HIP1R: variants seen among roughly 807,000 people sequenced by gnomAD.
HIP1R encodes huntingtin-interacting protein 1-related protein.
Under a neutral mutation model 144.2 loss-of-function variants are expected in HIP1R, and 135 were observed. The ratio of observed to expected loss-of-function variants is 0.94; its 90% CI spans 0.81 to 1.08. The LOEUF is 1.08. Ranked by LOEUF, HIP1R falls within the 50% of genes least tolerant of loss-of-function variation. The probability of loss-of-function intolerance (pLI) is 0.00; values close to 1 mark genes in which losing one functional copy is unlikely to be tolerated. For missense variants in HIP1R, 1,462 were observed against 1,432.8 expected (o/e 1.02, Z -0.33); for synonymous variants, 698 against 612.8 (o/e 1.14, Z -2.05).
chr12:122,842,721 C>G (rs559591915), intron 1 of HIP1R, among the ~76,000 whole-genome samples: 1 of 152,346 alleles, frequency 6.6e-6, no homozygotes, highest in Admixed American at 6.5e-5. Context: ...TCCATCTGGA[C>G]TCCACATCAG....
At position 122,855,129 on chromosome 12, in the gene HIP1R, G is replaced by T; in HGVS notation, c.852+1G>T. The T allele has an allele frequency of 2.5e-6, 4 of 1,613,518 alleles. No homozygotes were observed. The highest frequency in any genetic ancestry group is 3.4e-6 in the Non-Finnish European group (4 of 1,179,998). On this transcript the variant is annotated splice_donor_variant, in intron 10 of 31. Transcript: ENST00000253083. LOFTEE classifies it high-confidence loss of function. ...CATCCAGATCCCCCGGCTGCCCGAGGTACCACCCCCAAGAGGGCCCCGAGG... is the reference window on the plus strand; with the variant it reads ...CATCCAGATCCCCCGGCTGCCCGAGTTACCACCCCCAAGAGGGCCCCGAGG...
At chr12:122,860,850 C>G in intron 28 of HIP1R, 66 bp downstream of exon 28, 8 of 1,595,494 alleles carry the variant, frequency 5.0e-6, no homozygotes, top group Non-Finnish European at 6.8e-6. Flanking sequence ...CTGTGGCTGC[C>G]AAGCCCAGGC....
At position 122,860,954 on chromosome 12, in the gene HIP1R, G is replaced by A. The variant is rs1318447620; in HGVS notation, c.2805G>A (p.Leu935=). 2.5e-6 allele frequency: 4 copies of A among 1,613,432 alleles called. No individual in the cohort carries two copies. In the South Asian group the frequency reaches 3.3e-5, roughly 13 times the overall value. ...ANKHSPHLSR[L]QECSRTVNER... ...AGCACAGCCCCCACCTGAGCCGCCTGCAGGAATGTTCTCGCACAGTCAATG... is the reference window on the plus strand; with the variant it reads ...AGCACAGCCCCCACCTGAGCCGCCTACAGGAATGTTCTCGCACAGTCAATG... The change falls in exon 29 of 32, where the codon CTG becomes CTA. Residue 935 remains leucine (L), a synonymous_variant. Coordinates refer to ENST00000253083, the MANE Select transcript of HIP1R (RefSeq NM_003959.3).
In HIP1R at chr12:122,859,196, A is replaced by T. The variant is rs1351535455; in HGVS notation, c.2294A>T (p.Gln765Leu). The T allele has an allele frequency of 1.3e-6, 2 of 1,570,924 alleles. No homozygotes were observed. The highest frequency in any genetic ancestry group is 2.7e-5 in the African/African-American group (2 of 74,090). The change falls in exon 22 of 32, where the codon CAG becomes CTG. Residue 765 changes from glutamine to leucine, a missense_variant and splice_region_variant. Physicochemically the swap from Gln to Leu is moderately radical, Grantham distance 113. This residue lies in a region of HIP1R where 1,112 missense variants were observed against 1,011.7 expected (regional missense o/e 1.10). Coordinates refer to ENST00000253083, the MANE Select transcript of HIP1R (RefSeq NM_003959.3). ...TPLQGILQLG[Q>L]ELKPKSLDVR... Reference sequence around the variant, plus strand: ...CTGCAGGGCATCCTTCAGCTGGGCCAGGTGAGGCACAGCTGAGTGTGGGTT... The same window carrying T: ...CTGCAGGGCATCCTTCAGCTGGGCCTGGTGAGGCACAGCTGAGTGTGGGTT...
Position 122,850,152 on chromosome 12 carries a change from T to C in HIP1R, c.438+197T>C, listed in dbSNP as rs779275507. The stretch of plus-strand genomic sequence containing the variant: ...CGAAGCTCCTAGAACACTTCAGGCA[T>C]TTCCGTGGACGTGGGCACGGGCTTC... On this transcript the variant is annotated intron_variant, in intron 5 of 31. Coordinates refer to ENST00000253083, the MANE Select transcript of HIP1R (RefSeq NM_003959.3). 5.2e-5 allele frequency: 36 copies of C among 690,222 alleles called. No individual in the cohort carries two copies. In the African/African-American group the frequency reaches 5.6e-4, roughly 11 times the overall value. 42.8% of individuals were successfully genotyped at this position (690,222 alleles called of 1,614,324 possible). A position where few individuals can be genotyped will look rare whatever the true frequency, so the allele number is the denominator to read the frequency against.
chr12:122,835,289 G>GGT, upstream of HIP1R: 1 of 498,302 alleles, frequency 2.0e-6, no homozygotes, highest in African/African-American at 2.6e-5. Context: ...GATCGCGGGG[G>GGT]GTGGGGTTGG....
Position 122,855,196 on chromosome 12 carries a change from C to G in HIP1R, c.852+68C>G, listed in dbSNP as rs1367319736. On this transcript the variant is annotated intron_variant, in intron 10 of 31. Coordinates refer to ENST00000253083, the MANE Select transcript of HIP1R (RefSeq NM_003959.3). ...GGCACCTGGCTGGGCCCCACACAGG[C>G]TATGGAGATGGCGGAAGGAGGGCTT... 1.4e-5 allele frequency: 23 copies of G among 1,610,886 alleles called. No homozygotes were observed. The East Asian group carries it at 4.5e-4, about 31-fold the overall frequency.
chr12:122,845,139 C>T (rs1478362043), intron 1 of HIP1R, among the ~76,000 whole-genome samples: 2 of 152,178 alleles, frequency 1.3e-5, no homozygotes, highest in Admixed American at 6.5e-5. Flanking sequence ...AGAGTGAGCC[C>T]GAGTGCCTGC....
At position 122,860,994 on chromosome 12, in the gene HIP1R, G is replaced by C; in HGVS notation, c.2845G>C (p.Val949Leu). 1.2e-6 allele frequency: 2 copies of C among 1,613,696 alleles called. No individual in the cohort carries two copies. Among genetic ancestry groups the C allele is most frequent in the Non-Finnish European group, 1.7e-6 (2 of 1,180,022 alleles). The change falls in exon 29 of 32, where the codon GTG becomes CTG. Residue 949 changes from valine to leucine, a missense_variant. Physicochemically the swap from Val to Leu is conservative, Grantham distance 32 (BLOSUM62 1). Transcript: ENST00000253083. ...SRTVNERAAN[V>L]VASTKSGQEQ... ...CACAGTCAATGAGAGGGCTGCCAAT[G>C]TGGTGGCCTCCACCAAGTCAGGCCA...
chr12:122,850,248 C>T (rs1417297462), intron 5 of HIP1R: 3 of 572,368 alleles, frequency 5.2e-6, no homozygotes, highest in African/African-American at 3.7e-5. Flanking sequence ...TGCTCCCCTC[C>T]TCCCAACCCC....
At chr12:122,854,455 C>T (rs1566108868) in intron 8 of HIP1R, among the ~76,000 whole-genome samples, 1 of 152,156 alleles carries the variant, frequency 6.6e-6, no homozygotes, top group Admixed American at 6.5e-5. Flanking sequence ...CCCAGCTGCT[C>T]CCAGGAATCT....
rs747708374 is a variant in HIP1R, at chr12:122,855,062, C to A, written c.786C>A (p.Asn262Lys). 1 of 1,613,880 alleles carries A rather than the reference C, an allele frequency of 6.2e-7. No individual in the cohort carries two copies. Among genetic ancestry groups the A allele is most frequent in the East Asian group, 2.2e-5 (1 of 44,874 alleles). The change falls in exon 10 of 32, where the codon AAC (asparagine) becomes AAA (lysine). Residue 262 changes from asparagine to lysine, a missense_variant. Asn to Lys is a moderately conservative substitution (Grantham distance 94). Coordinates refer to ENST00000253083, the MANE Select transcript of HIP1R (RefSeq NM_003959.3). ...CCCACCATCTCTGCAGCCTCAGGAA[C>A]TTCTTCCGCAGAGCCTCCGACATGC... ...RFHEQFHSLR[N>K]FFRRASDMLY...
At chr12:122,849,161 A>G (rs1241191770) in intron 4 of HIP1R, among the ~76,000 whole-genome samples, 1 of 152,244 alleles carries the variant, frequency 6.6e-6, no homozygotes, top group Non-Finnish European at 1.5e-5. Flanking sequence ...GGCAGGGCGC[A>G]GGTTCCTGGG....
Position 122,851,362 on chromosome 12 carries a change from A to G in HIP1R, c.577+65A>G. 5 of 1,327,032 alleles carry G rather than the reference A, an allele frequency of 3.8e-6. No homozygotes were observed. The South Asian group carries it at 7.7e-5, about 20-fold the overall frequency. 82.2% of individuals were successfully genotyped at this position (1,327,032 alleles called of 1,614,324 possible). Reference sequence around the variant, plus strand: ...GCTAAGTCCCCAGAGATGGGACGAGAAGAAAAAAGAAGACATGAGTGATCA... The same window carrying G: ...GCTAAGTCCCCAGAGATGGGACGAGGAGAAAAAAGAAGACATGAGTGATCA... On this transcript the variant is annotated intron_variant, in intron 7 of 31. Transcript: ENST00000253083.
chr12:122,838,280 C>T (rs143950342), intron 1 of HIP1R, among the ~76,000 whole-genome samples: 13 of 151,634 alleles, frequency 8.6e-5, no homozygotes, highest in Non-Finnish European at 1.8e-4. Flanking sequence ...TCCAGAAAAC[C>T]AGTGTATGCT....
intron 18 of HIP1R, 124 bp from the exon 19 acceptor site, chr12:122,857,978 C>T (rs1210267135): frequency 2.6e-6 from 2 of 777,302 alleles, no homozygotes; most frequent in Non-Finnish European, 4.0e-6. Context: ...GAAATCTCCA[C>T]CCCCCTGACC....
chr12:122,860,927 C>A lies in HIP1R; in HGVS notation c.2778C>A (p.Asn926Lys). 6.2e-7 allele frequency: 1 copy of A among 1,612,098 alleles called. No individual in the cohort carries two copies. Among genetic ancestry groups the A allele is most frequent in the Non-Finnish European group, 8.5e-7 (1 of 1,179,370 alleles). ...QLVAASKVKA[N>K]KHSPHLSRLQ... The stretch of plus-strand genomic sequence containing the variant: ...CTCTCGCCCCTCAGGTGAAGGCCAA[C>A]AAGCACAGCCCCCACCTGAGCCGCC... Residue 926 changes from asparagine (N) to lysine (K), a missense_variant, in exon 29 of 32, where the codon AAC becomes AAA. Asn to Lys is a moderately conservative substitution (Grantham distance 94). This residue lies in a region of HIP1R where 1,112 missense variants were observed against 1,011.7 expected (regional missense o/e 1.10). Transcript: ENST00000253083.
At position 122,846,353 on chromosome 12, in the gene HIP1R, A is replaced by G. The variant is rs568030106; in HGVS notation, c.94-1678A>G. ...TCTGTGCCTCAGTTTCCTCACCAGG[A>G]AAATGGGTTAGTCACCACTTCCCTG... On this transcript the variant is annotated intron_variant, in intron 1 of 31. Transcript: ENST00000253083. Among the ~76,000 whole-genome samples the G allele has an allele frequency of 2.0e-5, 3 of 152,314 alleles. 1 individual carries two copies. The highest frequency in any genetic ancestry group is 7.2e-5 in the African/African-American group (3 of 41,574).
In HIP1R at chr12:122,859,069, G is replaced by C. The variant is rs755875417; in HGVS notation, c.2167G>C (p.Asp723His). Residue 723 changes from aspartate to histidine, a missense_variant, in exon 22 of 32, where the codon GAC becomes CAC. Transcript: ENST00000253083. ...GTCCTTTCTCACCCCAGGCCTCATA[G>C]ACACCTGCAGGGAGTGCGGGGCCCG... ...APTDPADRLI[D>H]TCRECGARAL... 2 of 1,606,218 alleles carry C rather than the reference G, an allele frequency of 1.2e-6. No homozygotes were observed. The highest frequency in any genetic ancestry group is 1.3e-5 in the African/African-American group (1 of 74,820).
Sources: allele counts gnomAD v4.1 joint callset (sites outside exome capture counted in the v4.1 genomes callset), GRCh38; gene constraint gnomAD v4.1.1; regional missense constraint gnomAD v4.1.1; transcripts MANE v1.5; gene names NCBI Gene and HGNC (gene_info 2026-07-23, HGNC 2026-07-21).